The following RYR1 variants were observed in gnomAD, a reference collection of about 807,000 sequenced individuals.
RYR1 encodes the protein central core disease of muscle.
RYR1 carries 342 observed loss-of-function variants against 583.5 expected under a neutral mutation model. That is an observed-to-expected ratio of 0.59 (90% CI 0.54 to 0.64). The LOEUF is 0.64. RYR1 is among the 30% of genes least tolerant of loss of function. The probability of loss-of-function intolerance (pLI) is 0.00; values close to 1 mark genes in which losing one functional copy is unlikely to be tolerated. For synonymous variants in RYR1, 2,791 were observed against 2,822.5 expected, an observed-to-expected ratio of 0.99 and a Z score of 0.35; for missense variants, 6,032 against 6,917.2, an observed-to-expected ratio of 0.87 and a Z score of 4.54.
intron 82 of RYR1, 90 bp downstream of exon 82, chr19:38,536,160 C>G (rs1308535578): frequency 3.3e-6 from 4 of 1,195,952 alleles, no homozygotes; most frequent in Non-Finnish European, 4.7e-6. Context: ...GCCCAGAGCT[C>G]CCTTCCTCCA....
At position 38,543,357 on chromosome 19, in the gene RYR1, C is replaced by G; in HGVS notation, c.11700C>G (p.Asn3900Lys). 6.2e-7 allele frequency: 1 copy of G among 1,614,200 alleles called. No homozygotes were observed. Among genetic ancestry groups the G allele is most frequent in the Non-Finnish European group, 8.5e-7 (1 of 1,180,012 alleles). Reference sequence around the variant, plus strand: ...TTTTCATCTCCCCAGATTTCCAGAACTACCTACGGACACAGACAGGGAACA... The same window carrying G: ...TTTTCATCTCCCCAGATTTCCAGAAGTACCTACGGACACAGACAGGGAACA... ...LCEGHNNDFQNYLRTQTGNTT... is the reference protein window; with the variant it reads ...LCEGHNNDFQKYLRTQTGNTT... The change falls in exon 85 of 106, where the codon AAC (asparagine) becomes AAG (lysine). Residue 3900 changes from asparagine (N) to lysine (K), a missense_variant. Transcript: ENST00000359596. The surrounding 1 kb of genome is among the most constrained non-coding windows in gnomAD (Gnocchi z 4.4).
intron 30 of RYR1, 112 bp from the exon 31 acceptor site, chr19:38,478,323 G>A: frequency 2.5e-6 from 3 of 1,215,906 alleles, no homozygotes; most frequent in Non-Finnish European, 3.6e-6. Flanking sequence ...GGCGGTGGGT[G>A]TTTGGGGATG....
Position 38,499,243 on chromosome 19 carries a change from G to C in RYR1, c.7027G>C (p.Gly2343Arg). Reference sequence around the variant, plus strand: ...CCTGCGCTTTGCTGTCTTCGTCAACGGTGAGGAGGGGGTGGCAGTGGCAGA... The same window carrying C: ...CCTGCGCTTTGCTGTCTTCGTCAACCGTGAGGAGGGGGTGGCAGTGGCAGA... ...DFLRFAVFVN[G>R]ESVEENANVV... Residue 2343 changes from glycine (G) to arginine (R), a missense_variant and splice_region_variant, in exon 43 of 106, where the codon GGC becomes CGC. This residue lies in a region of RYR1 where 2,627 missense variants were observed against 2,961.3 expected (regional missense o/e 0.89). Coordinates refer to ENST00000359596, the MANE Select transcript of RYR1 (RefSeq NM_000540.3). The surrounding 1 kb of genome is among the most constrained non-coding windows in gnomAD (Gnocchi z 7.3). The C allele has an allele frequency of 6.2e-7, 1 of 1,614,186 alleles. No individual in the cohort carries two copies. The highest frequency in any genetic ancestry group is 8.5e-7 in the Non-Finnish European group (1 of 1,180,012).
intron 101 of RYR1, among the ~76,000 whole-genome samples, chr19:38,581,450 C>A (rs771179911): frequency 2.6e-5 from 4 of 151,956 alleles, no homozygotes; most frequent in African/African-American, 9.7e-5. Context: ...CCTGTGCCGT[C>A]GTGATCTGCC....
At chr19:38,532,432 T>G in intron 76 of RYR1, 58 bp from the exon 77 acceptor site, 1 of 1,579,966 alleles carries the variant, frequency 6.3e-7, no homozygotes, top group Non-Finnish European at 8.7e-7. Context: ...CCAGAAGCTC[T>G]TATAAGATGG....
rs1484892854 is a variant in RYR1, at chr19:38,457,516, C to T, written c.1811C>T (p.Ser604Phe). 6.2e-7 allele frequency: 1 copy of T among 1,613,974 alleles called. No homozygotes were observed. The highest frequency in any genetic ancestry group is 1.3e-5 in the African/African-American group (1 of 74,882). The change falls in exon 17 of 106, where the codon TCC becomes TTC. Residue 604 changes from serine to phenylalanine, a missense_variant. This residue lies in a region of RYR1 where 2,627 missense variants were observed against 2,961.3 expected (regional missense o/e 0.89). Transcript: ENST00000359596. ...CTCTAGGTCCTGGACGTGCTATGCTCCCTGTGTGTGTGTAATGGTGTGGCT... is the reference window on the plus strand; with the variant it reads ...CTCTAGGTCCTGGACGTGCTATGCTTCCTGTGTGTGTGTAATGGTGTGGCT... Reference protein sequence around the residue: ...RNHKVLDVLCSLCVCNGVAVR... With the variant: ...RNHKVLDVLCFLCVCNGVAVR...
At chr19:38,523,169 G>C in intron 68 of RYR1, 48 bp from the exon 69 acceptor site, 1 of 1,614,108 alleles carries the variant, frequency 6.2e-7, no homozygotes, top group Non-Finnish European at 8.5e-7. Flanking sequence ...GCAGCCCACA[G>C]GCGCCTGCCT....
In RYR1 at chr19:38,572,250, A is replaced by G; in HGVS notation, c.13978A>G (p.Ile4660Val). 1 of 1,350,370 alleles carries G rather than the reference A, an allele frequency of 7.4e-7. No individual in the cohort carries two copies. The highest frequency in any genetic ancestry group is 9.8e-7 in the Non-Finnish European group (1 of 1,021,312). 83.6% of individuals were successfully genotyped at this position (1,350,370 alleles called of 1,614,324 possible). Residue 4660 changes from isoleucine (I) to valine (V), a missense_variant, in exon 95 of 106, where the codon ATT becomes GTT. By Grantham distance (29) the Ile-to-Val change is conservative. Coordinates refer to ENST00000359596, the MANE Select transcript of RYR1 (RefSeq NM_000540.3). ...TACACTGGTGGCCTTTCTCTGCATC[A>G]TTGGCTATAATTGTCTCAAGGTGGG... ...LHTLVAFLCI[I>V]GYNCLKVPLV... is the part of the protein sequence containing the mutation.
chr19:38,492,594 G>A lies in RYR1; in HGVS notation c.6232G>A (p.Glu2078Lys). 1.9e-6 allele frequency: 3 copies of A among 1,608,726 alleles called. No homozygotes were observed. Among genetic ancestry groups the A allele is most frequent in the Non-Finnish European group, 2.5e-6 (3 of 1,176,912 alleles). ...AGTGCGGCTGGTGAAGAAGAAGGAA[G>A]AGAAACCTGAGGAGGAGCGGTCAGC... ...EKVRLVKKKE[E>K]KPEEERSAEE... Residue 2078 changes from glutamate to lysine, a missense_variant, in exon 38 of 106, where the codon GAG becomes AAG. Glu to Lys is a moderately conservative substitution (Grantham distance 56, BLOSUM62 1). Coordinates refer to ENST00000359596, the MANE Select transcript of RYR1 (RefSeq NM_000540.3).
At chr19:38,491,254 G>C (rs1458797075) in intron 37 of RYR1, among the ~76,000 whole-genome samples, 3 of 145,810 alleles carry the variant, frequency 2.1e-5, no homozygotes, top group Admixed American at 1.4e-4. Flanking sequence ...AATTTATCCT[G>C]TTGAAAGTTT....
Position 38,502,692 on chromosome 19 carries a change from T to C in RYR1, c.7800T>C (p.Arg2600=), listed in dbSNP as rs762682222. Residue 2600 remains arginine, a synonymous_variant, in exon 48 of 106, where the codon CGT becomes CGC. Transcript: ENST00000359596. ...SRGRSLTKAQ[R]DVIEDCLMSL... ...GTCGTTCGCTCACCAAGGCGCAGCG[T>C]GACGTCATCGAGGACTGCCTCATGT... 19 of 1,602,500 alleles carry C rather than the reference T, an allele frequency of 1.2e-5. No homozygotes were observed. In the Admixed American group the frequency reaches 2.7e-4, roughly 23 times the overall value.
At chr19:38,435,806 A>G (rs183805093) in intron 1 of RYR1, among the ~76,000 whole-genome samples, 32 of 152,230 alleles carry the variant, frequency 2.1e-4, no homozygotes, top group Non-Finnish European at 1.9e-4. Flanking sequence ...CAGTACATGC[A>G]CACATGCATA....
Position 38,492,470 on chromosome 19 carries a change from G to A in RYR1, c.6128-20G>A, listed in dbSNP as rs951719979. The A allele has an allele frequency of 1.1e-5, 17 of 1,613,406 alleles. No homozygotes were observed. In the East Asian group the frequency reaches 2.2e-4, roughly 21 times the overall value. ...AGCAAACTAATGAATGACATTTCCCGCCTTCTTGACCACTTCCAGGAATTC... is the reference window on the plus strand; with the variant it reads ...AGCAAACTAATGAATGACATTTCCCACCTTCTTGACCACTTCCAGGAATTC... On this transcript the variant is annotated intron_variant, in intron 37 of 105. Coordinates refer to ENST00000359596, the MANE Select transcript of RYR1 (RefSeq NM_000540.3).
At chr19:38,487,796 G>A (rs1442405552) in intron 34 of RYR1, among the ~76,000 whole-genome samples, 2 of 152,102 alleles carry the variant, frequency 1.3e-5, no homozygotes, top group Non-Finnish European at 2.9e-5. Context: ...ACCATGCCCA[G>A]GTAAGTTTTA....
intron 101 of RYR1, among the ~76,000 whole-genome samples, chr19:38,582,080 T>G (rs573921813): frequency 6.6e-6 from 1 of 152,184 alleles, no homozygotes; most frequent in Admixed American, 6.6e-5. Context: ...TAATAGGTGC[T>G]CCCTGGCTAT....
At chr19:38,546,382 A>T (rs1276008151) in intron 87 of RYR1, 63 bp from the exon 88 acceptor site, 2 of 1,418,512 alleles carry the variant, frequency 1.4e-6, no homozygotes, top group Non-Finnish European at 2.0e-6. Context: ...GAGGAGGGGG[A>T]GAAGCAACAG....
In RYR1 at chr19:38,532,485, C is replaced by G. The variant is rs1463255883; in HGVS notation, c.11142-5C>G. The G allele has an allele frequency of 2.5e-6, 4 of 1,613,974 alleles. No individual in the cohort carries two copies. In the East Asian group the frequency reaches 8.9e-5, roughly 36 times the overall value. ...TCCTGACCACTCCCCTGCTTACTTC[C>G]CCAGCAAACTGGATGAGGATTACCT... On this transcript the variant is annotated splice_region_variant and splice_polypyrimidine_tract_variant and intron_variant, in intron 76 of 105. Transcript: ENST00000359596.
In RYR1 at chr19:38,510,827, T is replaced by G. The variant is rs776382475; in HGVS notation, c.9122+46T>G. ...GACCCAGCCCCCTGACCTCACAGGA[T>G]TGTAATCCTTTGCCCATGGAGGCTC... On this transcript the variant is annotated intron_variant, in intron 60 of 105. Coordinates refer to ENST00000359596, the MANE Select transcript of RYR1 (RefSeq NM_000540.3). 13 of 1,612,396 alleles carry G rather than the reference T, an allele frequency of 8.1e-6. No individual in the cohort carries two copies. In the African/African-American group the frequency reaches 1.7e-4, roughly 22 times the overall value.
At chr19:38,489,479 A>G in intron 35 of RYR1, 36 bp downstream of exon 35, 5 of 1,613,330 alleles carry the variant, frequency 3.1e-6, no homozygotes, top group African/African-American at 1.3e-5. Flanking sequence ...GCCTCTGTCC[A>G]TCTGGGCTGG....
Sources: allele counts gnomAD v4.1 joint callset (sites outside exome capture counted in the v4.1 genomes callset), GRCh38; gene constraint gnomAD v4.1.1; regional missense constraint gnomAD v4.1.1; non-coding constraint Gnocchi (gnomAD v3.1); transcripts MANE v1.5; gene names NCBI Gene and HGNC (gene_info 2026-07-23, HGNC 2026-07-21).